The following FAM13A variants were observed in gnomAD, a reference collection of about 807,000 sequenced individuals.
FAM13A encodes protein FAM13A.
FAM13A carries 76 observed loss-of-function variants against 129.6 expected under a neutral mutation model. The observed-to-expected ratio is 0.59, with a 90% confidence interval of 0.49 to 0.71. The LOEUF (loss-of-function observed/expected upper bound fraction) is 0.71. Ranked by LOEUF, FAM13A falls within the 30% of genes least tolerant of loss-of-function variation. FAM13A has a pLI of 0.00. For synonymous variants in FAM13A, 443 were observed against 449.9 expected, an observed-to-expected ratio of 0.98 and a Z score of 0.20; for missense variants, 1,108 against 1,249.3, an observed-to-expected ratio of 0.89 and a Z score of 1.70.
chr4:89,016,140 A>C (rs1766452491), intron 3 of FAM13A, among the ~76,000 whole-genome samples: 2 of 151,614 alleles, frequency 1.3e-5, no homozygotes, highest in African/African-American at 4.8e-5. Context: ...AATATTGATG[A>C]TTCTGACTCT....
intron 2 of FAM13A, among the ~76,000 whole-genome samples, chr4:89,021,978 A>G (rs924904819): frequency 2.0e-5 from 3 of 152,300 alleles, no homozygotes; most frequent in Admixed American, 6.5e-5. Flanking sequence ...CACACCATGT[A>G]AGTGAATGTG....
intron 7 of FAM13A, among the ~76,000 whole-genome samples, chr4:88,841,632 GAT>G (rs1465974017): frequency 6.6e-6 from 1 of 151,680 alleles, no homozygotes; most frequent in East Asian, 1.9e-4. Flanking sequence ...ATCTAAAGAA[GAT>G]ATAGTATTGG....
rs555718740 is a variant in FAM13A at position 88,946,754 on chromosome 4, G to A, written c.606-8513C>T. Among the ~76,000 whole-genome samples the A allele has an allele frequency of 3.9e-5, 6 of 151,972 alleles. No homozygotes were observed. In the East Asian group the frequency reaches 1.2e-3, roughly 30 times the overall value. ...GGTTTATAAGGACTCTGGCTAAGGAGCCAGAGTTATTATCAGTTATTATCC... is the reference window on the plus strand; with the variant it reads ...GGTTTATAAGGACTCTGGCTAAGGAACCAGAGTTATTATCAGTTATTATCC... On this transcript the variant is annotated intron_variant, in intron 4 of 23. Coordinates refer to ENST00000264344, the MANE Select transcript of FAM13A (RefSeq NM_014883.4).
intron 14 of FAM13A, among the ~76,000 whole-genome samples, chr4:88,754,312 A>C (rs146290378): frequency 6.6e-6 from 1 of 152,338 alleles, no homozygotes. Flanking sequence ...CAGTTCAGAC[A>C]CTATAGTACA....
chr4:88,851,234 T>A (rs754103032), intron 6 of FAM13A, 51 bp from the exon 7 acceptor site: 12 of 1,446,182 alleles, frequency 8.3e-6, no homozygotes, highest in Non-Finnish European at 1.0e-5. Context: ...AATGTTAAAG[T>A]CTTTCAAATT....
At chr4:88,863,843 A>G (rs1394040665) in intron 6 of FAM13A, among the ~76,000 whole-genome samples, 1 of 152,200 alleles carries the variant, frequency 6.6e-6, no homozygotes, top group African/African-American at 2.4e-5. Flanking sequence ...TAACAAGATG[A>G]ATAAATAAAG....
Position 89,029,474 on chromosome 4 carries a change from T to C in FAM13A, c.203A>G (p.Tyr68Cys). The C allele has an allele frequency of 6.3e-7, 1 of 1,595,296 alleles. No homozygotes were observed. Among genetic ancestry groups the C allele is most frequent in the South Asian group, 1.1e-5 (1 of 87,506 alleles). ...IPAVVWNIVE[Y>C]LTQHGLTQEG... is the part of the protein sequence containing the mutation. ...ACTTAACTCACCATGCTGCGTCAAA[T>C]ATTCCACTATATTCCACACTACTGC... The change falls in exon 2 of 24, where the codon TAT becomes TGT. Residue 68 changes from tyrosine (Y) to cysteine (C), a missense_variant. Physicochemically the swap from Tyr to Cys is radical, Grantham distance 194. This residue lies in a region of FAM13A where 566 missense variants were observed against 595.7 expected (regional missense o/e 0.95). Transcript: ENST00000264344.
chr4:88,790,604 T>C lies in FAM13A; in HGVS notation c.1073A>G (p.Asn358Ser), dbSNP rs753890884. The C allele has an allele frequency of 7.7e-6, 12 of 1,555,496 alleles. No individual in the cohort carries two copies. Among genetic ancestry groups the C allele is most frequent in the Middle Eastern group, 1.7e-4 (1 of 5,788 alleles). Residue 358 changes from asparagine to serine, a missense_variant, in exon 9 of 24, where the codon AAT becomes AGT. Coordinates refer to ENST00000264344, the MANE Select transcript of FAM13A (RefSeq NM_014883.4). Reference protein sequence around the residue: ...YLSAHVPQVSNVSATGELLER... With the variant: ...YLSAHVPQVSSVSATGELLER... ...AACTTACTCTCCGGTTGCAGACACA[T>C]TGCTGACTTGGGGTACATGAGCACT...
At chr4:89,036,022 T>C (rs1166997375) in intron 1 of FAM13A, among the ~76,000 whole-genome samples, 1 of 152,140 alleles carries the variant, frequency 6.6e-6, no homozygotes, top group East Asian at 1.9e-4. Context: ...GCAAATGTGG[T>C]ACCTAGGAGT....
chr4:88,791,010 C>T (rs1447886245), intron 8 of FAM13A, among the ~76,000 whole-genome samples: 1 of 152,096 alleles, frequency 6.6e-6, no homozygotes, highest in Non-Finnish European at 1.5e-5. Flanking sequence ...TATCTTTTCC[C>T]AGCCCAAATC....
intron 1 of FAM13A, among the ~76,000 whole-genome samples, chr4:89,044,128 A>G (rs1233965159): frequency 6.6e-6 from 1 of 151,594 alleles, no homozygotes; most frequent in Non-Finnish European, 1.5e-5. Flanking sequence ...GAGTGAAAAG[A>G]CACAACACAT....
intron 5 of FAM13A, among the ~76,000 whole-genome samples, chr4:88,926,087 C>G (rs1752106426): frequency 6.6e-6 from 1 of 152,070 alleles, no homozygotes; most frequent in Non-Finnish European, 1.5e-5. Flanking sequence ...CTCTTAAGCT[C>G]CCACAGTGGT....
chr4:88,939,673 G>A (rs1285377766), intron 4 of FAM13A, among the ~76,000 whole-genome samples: 1 of 152,098 alleles, frequency 6.6e-6, no homozygotes, highest in African/African-American at 2.4e-5. Context: ...AAAGGTGATA[G>A]GATGTCGCTC....
chr4:89,051,858 T>G (rs1447548532), intron 1 of FAM13A, among the ~76,000 whole-genome samples: 1 of 152,226 alleles, frequency 6.6e-6, no homozygotes, highest in African/African-American at 2.4e-5. Flanking sequence ...TAATCCTTTT[T>G]GGCTCAATCT....
intron 5 of FAM13A, among the ~76,000 whole-genome samples, chr4:88,914,179 G>A (rs998997395): frequency 1.3e-5 from 2 of 152,030 alleles, no homozygotes; most frequent in African/African-American, 4.8e-5. Flanking sequence ...AACTGAAATC[G>A]GTCTACTCTT....
chr4:88,753,212 A>C (rs1359716222), intron 14 of FAM13A, among the ~76,000 whole-genome samples: 4 of 152,220 alleles, frequency 2.6e-5, no homozygotes, highest in African/African-American at 9.6e-5. Flanking sequence ...TTTTACTTAT[A>C]AGAGTGTGTG....
chr4:88,745,814 G>A (rs1357568817), intron 19 of FAM13A, among the ~76,000 whole-genome samples: 25 of 151,054 alleles, frequency 1.7e-4, no homozygotes, highest in Admixed American at 1.6e-3. Flanking sequence ...TTTTTCCACT[G>A]CAGGGACAGG....
At chr4:88,911,950 T>G (rs1024279126) in intron 5 of FAM13A, among the ~76,000 whole-genome samples, 2 of 152,214 alleles carry the variant, frequency 1.3e-5, no homozygotes, top group African/African-American at 4.8e-5. Flanking sequence ...GATGTGGTCT[T>G]TGTCTCACTA....
intron 7 of FAM13A, among the ~76,000 whole-genome samples, chr4:88,821,273 A>C (rs186839636): frequency 6.6e-6 from 1 of 152,316 alleles, no homozygotes; most frequent in Admixed American, 6.5e-5. Context: ...AATCAGTCAA[A>C]TTAAACTCTA....
Sources: gnomAD v4.1 joint callset for allele counts (sites outside exome capture counted in the v4.1 genomes callset) on GRCh38, gnomAD v4.1.1 for gene constraint, gnomAD v4.1.1 regional missense constraint, MANE v1.5 for transcripts, NCBI Gene and HGNC (gene_info 2026-07-23, HGNC 2026-07-21) for gene names.